Variants in RPTOR observed in about 807,000 individuals in gnomAD.
RPTOR encodes the protein regulatory-associated protein of mTOR.
Under a neutral mutation model 169.9 loss-of-function variants are expected in RPTOR, and 21 were observed. The ratio of observed to expected loss-of-function variants is 0.12; its 90% CI spans 0.09 to 0.18. The LOEUF (loss-of-function observed/expected upper bound fraction) is 0.18. Among genes scored for constraint, RPTOR ranks in the 10% least tolerant of loss-of-function variants. The pLI, the probability that RPTOR is intolerant of heterozygous loss-of-function variation, is 1.00. For missense variants in RPTOR, 1,133 were observed against 1,855.9 expected (o/e 0.61, Z 7.16); for synonymous variants, 732 against 753.2 (o/e 0.97, Z 0.46).
At chr17:80,636,514 CTG>C (rs879590165) in intron 2 of RPTOR, among the ~76,000 whole-genome samples, 7 of 152,174 alleles carry the variant, frequency 4.6e-5, no homozygotes, top group Non-Finnish European at 8.8e-5. Context: ...GGCTGTAACA[CTG>C]TGTCCTGTCA....
chr17:80,756,547 C>T (rs2066682739), intron 6 of RPTOR, among the ~76,000 whole-genome samples: 1 of 152,106 alleles, frequency 6.6e-6, no homozygotes, highest in Admixed American at 6.5e-5. Flanking sequence ...GGAATAGAAG[C>T]CTCCACCAGT....
chr17:80,661,081 T>G (rs2065720079), intron 3 of RPTOR, among the ~76,000 whole-genome samples: 1 of 152,200 alleles, frequency 6.6e-6, no homozygotes, highest in Non-Finnish European at 1.5e-5. Context: ...CCTACCACAC[T>G]TAAGGTTCTC....
At chr17:80,880,102 G>A (rs1302942700) in intron 13 of RPTOR, among the ~76,000 whole-genome samples, 1 of 152,160 alleles carries the variant, frequency 6.6e-6, no homozygotes, top group South Asian at 2.1e-4. Context: ...GGAGGGAGCG[G>A]GACCCCTGGA....
At chr17:80,748,462 C>T (rs1176348555) in intron 5 of RPTOR, among the ~76,000 whole-genome samples, 1 of 53,302 alleles carries the variant, frequency 1.9e-5, no homozygotes, top group African/African-American at 1.1e-4. Flanking sequence ...GGGGGGGCTG[C>T]GGTGTGTGTT....
chr17:80,737,802 C>A, intron 5 of RPTOR, among the ~76,000 whole-genome samples: 1 of 143,466 alleles, frequency 7.0e-6, no homozygotes, highest in Non-Finnish European at 1.5e-5. Context: ...CTCTCTTTTT[C>A]TCCCCCGCCC....
chr17:80,958,068 A>AGCCACAGGGAGGGT (rs2069276442), intron 29 of RPTOR, among the ~76,000 whole-genome samples: 1 of 151,370 alleles, frequency 6.6e-6, no homozygotes, highest in Admixed American at 6.6e-5. Flanking sequence ...AATTATTTGG[A>AGCCACAGGGAGGGT]GGCGTTTTTT....
intron 4 of RPTOR, among the ~76,000 whole-genome samples, chr17:80,723,838 T>C (rs1366671016): frequency 6.6e-6 from 1 of 151,488 alleles, no homozygotes; most frequent in East Asian, 1.9e-4. Flanking sequence ...TGGAATAGAC[T>C]AATCTTTCCA....
At chr17:80,580,884 T>C (rs1015262290) in intron 1 of RPTOR, among the ~76,000 whole-genome samples, 1 of 152,178 alleles carries the variant, frequency 6.6e-6, no homozygotes, top group Non-Finnish European at 1.5e-5. Context: ...CATCTCAGCC[T>C]CCTAAAGTGC....
Position 80,944,959 on chromosome 17 carries a change from T to C in RPTOR, c.3026-708T>C, listed in dbSNP as rs372910083. On this transcript the variant is annotated intron_variant, in intron 25 of 33. Coordinates refer to ENST00000306801, the MANE Select transcript of RPTOR (RefSeq NM_020761.3). ...TGAGCCAAGATCACACCACTGCACTTCAGCCTGGGTGACAGAGCAAGACTC... is the reference window on the plus strand; with the variant it reads ...TGAGCCAAGATCACACCACTGCACTCCAGCCTGGGTGACAGAGCAAGACTC... Among the ~76,000 whole-genome samples the C allele has an allele frequency of 6.6e-3, 951 of 144,358 alleles. 14 individuals are homozygous for C. The highest frequency in any genetic ancestry group is 0.049 in the South Asian group (219 of 4,504). 94.7% of individuals were successfully genotyped at this position (144,358 alleles called of 152,430 possible). A position where few individuals can be genotyped will look rare whatever the true frequency, so the allele number is the denominator to read the frequency against.
intron 3 of RPTOR, among the ~76,000 whole-genome samples, chr17:80,679,876 A>G (rs1254929831): frequency 6.6e-6 from 1 of 151,490 alleles, no homozygotes; most frequent in African/African-American, 2.4e-5. Flanking sequence ...AGGGTTAACA[A>G]TTCCACTCCC....
chr17:80,709,457 C>T (rs1352176090), intron 4 of RPTOR, among the ~76,000 whole-genome samples: 1 of 152,212 alleles, frequency 6.6e-6, no homozygotes, highest in African/African-American at 2.4e-5. Flanking sequence ...TGCTGATACG[C>T]TGGGCGGACG....
rs2069414570 is a variant in RPTOR, at chr17:80,965,450, A to G, written c.*1120A>G. 4.3e-6 allele frequency: 1 copy of G among 233,350 alleles called. No homozygotes were observed. The highest frequency in any genetic ancestry group is 6.0e-5 in the East Asian group (1 of 16,586). 14.5% of individuals were successfully genotyped at this position (233,350 alleles called of 1,614,324 possible). On this transcript the variant is annotated 3_prime_UTR_variant, in exon 34 of 34. Transcript: ENST00000306801. The stretch of plus-strand genomic sequence containing the variant: ...TGGTGCAGACAGGAGCTGTGTGGAC[A>G]GTCCCGCCCAGGAGGGGCCGCAGGG...
intron 6 of RPTOR, among the ~76,000 whole-genome samples, chr17:80,770,600 G>A (rs1263968784): frequency 7.2e-5 from 11 of 152,096 alleles, no homozygotes; most frequent in Admixed American, 7.2e-4. Flanking sequence ...TCTAATGGAG[G>A]ACAACGATAT....
At chr17:80,792,881 C>A (rs192332628) in intron 7 of RPTOR, among the ~76,000 whole-genome samples, 2 of 152,108 alleles carry the variant, frequency 1.3e-5, no homozygotes, top group East Asian at 3.9e-4. Context: ...GTATATATTG[C>A]CCCCGCCACC....
chr17:80,874,506 T>A (rs2068085212), intron 13 of RPTOR, among the ~76,000 whole-genome samples: 1 of 152,190 alleles, frequency 6.6e-6, no homozygotes. Context: ...GTGTCTATAT[T>A]AATATATATA....
chr17:80,905,129 C>T (rs536815022), intron 20 of RPTOR, among the ~76,000 whole-genome samples: 2 of 152,222 alleles, frequency 1.3e-5, no homozygotes, highest in East Asian at 3.9e-4. Context: ...CTCTAGTTTC[C>T]TTATAATGCC....
rs559337370 is a variant in RPTOR, at chr17:80,959,322, G to A, written c.3478-756G>A. On this transcript the variant is annotated intron_variant, in intron 29 of 33. Coordinates refer to ENST00000306801, the MANE Select transcript of RPTOR (RefSeq NM_020761.3). The surrounding 1 kb of genome is among the most constrained non-coding windows in gnomAD (Gnocchi z 6.7). Reference sequence around the variant, plus strand: ...TGATCCTCAGGGTCTGGTCACCAGTGGGGGCTTAGAGGCCCAGGTGGCCTG... The same window carrying A: ...TGATCCTCAGGGTCTGGTCACCAGTAGGGGCTTAGAGGCCCAGGTGGCCTG... Among the ~76,000 whole-genome samples, 1 of 152,312 alleles carries A rather than the reference G, an allele frequency of 6.6e-6. No individual in the cohort carries two copies. Among genetic ancestry groups the A allele is most frequent in the East Asian group, 1.9e-4 (1 of 5,170 alleles).
chr17:80,906,166 G>A (rs1055731859), intron 20 of RPTOR, among the ~76,000 whole-genome samples: 6 of 152,014 alleles, frequency 3.9e-5, no homozygotes, highest in South Asian at 2.1e-4. Flanking sequence ...AGGGCCTGTC[G>A]CGGGAGGGAA....
intron 3 of RPTOR, among the ~76,000 whole-genome samples, chr17:80,705,263 C>G (rs762535671): frequency 1.3e-5 from 2 of 152,258 alleles, no homozygotes; most frequent in African/African-American, 4.8e-5. Context: ...CTTTATTTTT[C>G]GAGCAGCATT....
Sources: gnomAD v4.1 joint callset for allele counts (sites outside exome capture counted in the v4.1 genomes callset) on GRCh38, gnomAD v4.1.1 for gene constraint, Gnocchi (gnomAD v3.1) non-coding constraint, MANE v1.5 for transcripts, NCBI Gene and HGNC (gene_info 2026-07-23, HGNC 2026-07-21) for gene names.